MAGI2: variants seen among roughly 807,000 people sequenced by gnomAD.
The protein encoded by MAGI2 is membrane-associated guanylate kinase, WW and PDZ domain-containing protein 2.
Under a neutral mutation model 133.3 loss-of-function variants are expected in MAGI2, and 35 were observed. The ratio of observed to expected loss-of-function variants is 0.26; its 90% confidence interval spans 0.20 to 0.35. The LOEUF (loss-of-function observed/expected upper bound fraction) is 0.35, where lower values mean the gene tolerates loss of function less well. Among genes scored for constraint, MAGI2 ranks in the 10% least tolerant of loss-of-function variants. The probability of loss-of-function intolerance (pLI) is 1.00; values close to 1 mark genes in which losing one functional copy is unlikely to be tolerated. For synonymous variants in MAGI2, 729 were observed against 710.6 expected (o/e 1.03, Z -0.41); for missense variants, 1,636 against 1,863.4 (o/e 0.88, Z 2.25).
chr7:78,352,659 G>A (rs564887170), intron 7 of MAGI2, among the ~76,000 whole-genome samples: 1 of 152,256 alleles, frequency 6.6e-6, no homozygotes, highest in Non-Finnish European at 1.5e-5. Flanking sequence ...CTGGGAGGTG[G>A]AATCATGGCC....
chr7:78,750,261 T>C (rs191831242), intron 2 of MAGI2, among the ~76,000 whole-genome samples: 1 of 152,354 alleles, frequency 6.6e-6, no homozygotes, highest in Admixed American at 6.5e-5. Flanking sequence ...TGTGCCATAT[T>C]TTCTTTAACC....
chr7:78,280,164 C>T (rs926520651), intron 9 of MAGI2, among the ~76,000 whole-genome samples: 3 of 152,070 alleles, frequency 2.0e-5, no homozygotes, highest in Non-Finnish European at 2.9e-5. Context: ...GGAAGGGTGT[C>T]CTGATGCTGC....
rs73367659 is a variant in MAGI2 at position 78,379,370 on chromosome 7, G to T, written c.1046-10157C>A. 6.3e-3 allele frequency among the ~76,000 whole-genome samples: 961 copies of T among 152,020 alleles called. 7 individuals are homozygous for T. The highest frequency in any genetic ancestry group is 0.022 in the African/African-American group (908 of 41,552). On this transcript the variant is annotated intron_variant, in intron 6 of 21. Transcript: ENST00000354212. Reference sequence around the variant, plus strand: ...GAGCTAAAAATAAAGTTTGGGCAAAGATAGGCCTGACAAGAAAAATAAAAC... The same window carrying T: ...GAGCTAAAAATAAAGTTTGGGCAAATATAGGCCTGACAAGAAAAATAAAAC...
intron 1 of MAGI2, among the ~76,000 whole-genome samples, chr7:79,365,384 G>T (rs1842632564): frequency 7.0e-6 from 1 of 143,134 alleles, no homozygotes; most frequent in Non-Finnish European, 1.5e-5. Flanking sequence ...ATTTATTCCA[G>T]AAGAATAATA....
At chr7:79,358,558 C>T (rs1413597573) in intron 1 of MAGI2, among the ~76,000 whole-genome samples, 2 of 152,038 alleles carry the variant, frequency 1.3e-5, no homozygotes, top group Non-Finnish European at 2.9e-5. Flanking sequence ...AATAGAGATG[C>T]AATCACAGAA....
intron 6 of MAGI2, among the ~76,000 whole-genome samples, chr7:78,455,051 G>C (rs1326898428): frequency 6.6e-6 from 1 of 152,032 alleles, no homozygotes; most frequent in Non-Finnish European, 1.5e-5. Flanking sequence ...GAACCCGAAA[G>C]TAAACAATGG....
intron 1 of MAGI2, among the ~76,000 whole-genome samples, chr7:79,344,727 G>A (rs542508186): frequency 4.3e-4 from 65 of 152,198 alleles, no homozygotes; most frequent in African/African-American, 6.3e-4. Flanking sequence ...AGGAACTTGC[G>A]TTGTACCTTG....
intron 1 of MAGI2, among the ~76,000 whole-genome samples, chr7:79,150,428 G>C (rs1823091292): frequency 6.6e-6 from 1 of 152,048 alleles, no homozygotes; most frequent in African/African-American, 2.4e-5. Context: ...ATTTTCTTTT[G>C]ATGATAAAGT....
intron 21 of MAGI2, among the ~76,000 whole-genome samples, chr7:78,053,124 T>A (rs1219858415): frequency 3.3e-5 from 5 of 152,244 alleles, no homozygotes; most frequent in Non-Finnish European, 5.9e-5. Flanking sequence ...AGGTATTCTA[T>A]AATTAACATG....
At chr7:79,280,379 T>G (rs1835542098) in intron 1 of MAGI2, among the ~76,000 whole-genome samples, 1 of 152,020 alleles carries the variant, frequency 6.6e-6, no homozygotes, top group Non-Finnish European at 1.5e-5. Flanking sequence ...TGATATTGTA[T>G]GTAGGAGATA....
chr7:79,028,245 A>ATC (rs1562805054), intron 1 of MAGI2, among the ~76,000 whole-genome samples: 2 of 96,208 alleles, frequency 2.1e-5, no homozygotes, highest in African/African-American at 8.5e-5. Flanking sequence ...GTATATATAT[A>ATC]TATATATATA....
intron 1 of MAGI2, among the ~76,000 whole-genome samples, chr7:79,367,853 TGTGAC>T (rs1431741908): frequency 1.5e-5 from 1 of 67,688 alleles, no homozygotes; most frequent in Non-Finnish European, 2.7e-5. Flanking sequence ...TGCTTATATA[TGTGAC>T]ATATATATAT....
intron 1 of MAGI2, among the ~76,000 whole-genome samples, chr7:79,136,073 GAAA>G (rs1562929221): frequency 5.4e-5 from 2 of 37,248 alleles, no homozygotes; most frequent in Non-Finnish European, 1.2e-4. Context: ...AAGAAGGAAA[GAAA>G]GAAAGAAAGA....
chr7:78,887,401 G>C (rs1796353080), intron 2 of MAGI2, among the ~76,000 whole-genome samples: 1 of 152,210 alleles, frequency 6.6e-6, no homozygotes, highest in Admixed American at 6.5e-5. Flanking sequence ...ATTCTGATTT[G>C]AATCAGAAAT....
Position 78,197,415 on chromosome 7 carries a change from A to G in MAGI2, c.2080-2352T>C, listed in dbSNP as rs79296769. Among the ~76,000 whole-genome samples, 611 of 152,298 alleles carry G rather than the reference A, an allele frequency of 4.0e-3. 2 individuals carry two copies. Among genetic ancestry groups the G allele is most frequent in the South Asian group, 6.0e-3 (29 of 4,822 alleles). On this transcript the variant is annotated intron_variant, in intron 11 of 21. Transcript: ENST00000354212. ...CATCACAAGGCTTCAGCAAATGTCT[A>G]TTTCTTTCTCCCATATTCCATTGAG...
chr7:78,607,158 T>C (rs555984299), intron 3 of MAGI2, among the ~76,000 whole-genome samples: 2 of 152,282 alleles, frequency 1.3e-5, no homozygotes, highest in Non-Finnish European at 2.9e-5. Context: ...TCCCTATGTT[T>C]GAGGAATCCA....
intron 1 of MAGI2, among the ~76,000 whole-genome samples, chr7:79,205,285 C>T (rs1828946115): frequency 6.6e-6 from 1 of 151,940 alleles, no homozygotes; most frequent in Admixed American, 6.6e-5. Flanking sequence ...CACCAGACTT[C>T]TCAGTAGAAA....
intron 6 of MAGI2, among the ~76,000 whole-genome samples, chr7:78,374,217 C>T (rs921460822): frequency 1.3e-5 from 2 of 152,278 alleles, no homozygotes; most frequent in African/African-American, 4.8e-5. Context: ...TGCAGCTTCA[C>T]CAACATCTGT....
At chr7:78,821,159 C>G (rs1790065825) in intron 2 of MAGI2, among the ~76,000 whole-genome samples, 1 of 152,046 alleles carries the variant, frequency 6.6e-6, no homozygotes, top group Admixed American at 6.5e-5. Flanking sequence ...AGTTGGGTAA[C>G]TACTCCAAAC....
Sources: gnomAD v4.1 joint callset for allele counts (sites outside exome capture counted in the v4.1 genomes callset) on GRCh38, gnomAD v4.1.1 for gene constraint, MANE v1.5 for transcripts, NCBI Gene and HGNC (gene_info 2026-07-23, HGNC 2026-07-21) for gene names.